Variants in ENPP1 observed in about 807,000 individuals in gnomAD.
ENPP1 encodes ectonucleotide pyrophosphatase/phosphodiesterase 1.
A neutral mutation model predicts 122.8 loss-of-function variants in ENPP1; 73 were observed. The observed-to-expected ratio is 0.59, with a 90% confidence interval of 0.49 to 0.72. The LOEUF is 0.72. Ranked by LOEUF, ENPP1 falls within the 30% of genes least tolerant of loss-of-function variation. ENPP1 has a pLI of 0.00. For synonymous variants in ENPP1, 367 were observed against 391.6 expected, an observed-to-expected ratio of 0.94 and a Z score of 0.74; for missense variants, 978 against 1,128.1, an observed-to-expected ratio of 0.87 and a Z score of 1.91.
rs542981157 is a variant in ENPP1, at chr6:131,893,323, C to T, written c.*2812C>T. On this transcript the variant is annotated 3_prime_UTR_variant, in exon 25 of 25. Transcript: ENST00000647893. The stretch of plus-strand genomic sequence containing the variant: ...AAGAGACAGCAGAAGTGTAAATGAT[C>T]CCTAAAGAGTGATAGATGTTATCAT... 6.6e-6 allele frequency: 1 copy of T among 152,266 alleles called. No homozygotes were observed. The highest frequency in any genetic ancestry group is 1.9e-4 in the East Asian group (1 of 5,180). 9.4% of individuals were successfully genotyped at this position (152,266 alleles called of 1,614,324 possible). A position where few individuals can be genotyped will look rare whatever the true frequency, so the allele number is the denominator to read the frequency against.
intron 1 of ENPP1, among the ~76,000 whole-genome samples, chr6:131,836,952 G>A (rs1160186537): frequency 2.0e-5 from 3 of 152,166 alleles, no homozygotes; most frequent in East Asian, 3.9e-4. Context: ...GGTCCTAGAC[G>A]TGCTTTAGCA....
chr6:131,849,358 TA>T (rs1189119493), intron 2 of ENPP1, among the ~76,000 whole-genome samples: 2 of 152,060 alleles, frequency 1.3e-5, no homozygotes, highest in African/African-American at 2.4e-5. Context: ...TATATGAGCT[TA>T]AAAAAATGGA....
rs1336981255 is a variant in ENPP1 at position 131,821,815 on chromosome 6, CA to C, written c.240+13542del. On this transcript the variant is annotated intron_variant, in intron 1 of 24. Coordinates refer to ENST00000647893, the MANE Select transcript of ENPP1 (RefSeq NM_006208.3). ...TCCACTGCAGTCCCCTCTCAACAATCAACAGTATACTTGACACAAAACCAAA... is the reference window on the plus strand; with the variant it reads ...TCCACTGCAGTCCCCTCTCAACAATCACAGTATACTTGACACAAAACCAAA... Among the ~76,000 whole-genome samples the C allele has an allele frequency of 5.3e-5, 8 of 152,196 alleles. No homozygotes were observed. In the South Asian group the frequency reaches 8.3e-4, roughly 16 times the overall value.
At chr6:131,810,748 C>G (rs1174623701) in intron 1 of ENPP1, among the ~76,000 whole-genome samples, 1 of 152,154 alleles carries the variant, frequency 6.6e-6, no homozygotes, top group Non-Finnish European at 1.5e-5. Flanking sequence ...CTTTCAGAGG[C>G]AATCATGTTG....
Position 131,847,569 on chromosome 6 carries a change from A to C in ENPP1, c.241-207A>C, listed in dbSNP as rs1342314707. On this transcript the variant is annotated intron_variant, in intron 1 of 24. Transcript: ENST00000647893. Reference sequence around the variant, plus strand: ...TTTAAAACTATATAAGGCCAGGCCTAGTGGCTCTTGCCTATAATCCCCCCA... The same window carrying C: ...TTTAAAACTATATAAGGCCAGGCCTCGTGGCTCTTGCCTATAATCCCCCCA... Among the ~76,000 whole-genome samples the C allele has an allele frequency of 3.9e-5, 6 of 152,310 alleles. No homozygotes were observed. In the South Asian group the frequency reaches 1.2e-3, roughly 32 times the overall value.
intron 20 of ENPP1, among the ~76,000 whole-genome samples, chr6:131,880,381 G>A (rs905191054): frequency 1.3e-5 from 2 of 152,018 alleles, no homozygotes; most frequent in Non-Finnish European, 2.9e-5. Context: ...GGCTAACACG[G>A]TGAAACTCCA....
intron 1 of ENPP1, among the ~76,000 whole-genome samples, chr6:131,815,871 A>ATTTTTTT (rs750091125): frequency 1.7e-5 from 2 of 115,842 alleles, no homozygotes; most frequent in Admixed American, 9.0e-5. Flanking sequence ...CACCTGGCTA[A>ATTTTTTT]TTTTTTTTTT....
chr6:131,886,115 C>T (rs1364183967), intron 23 of ENPP1, among the ~76,000 whole-genome samples: 1 of 152,138 alleles, frequency 6.6e-6, no homozygotes, highest in East Asian at 1.9e-4. Flanking sequence ...TTAGAACAAA[C>T]AATTCATGAC....
chr6:131,810,457 C>G (rs1389928943), intron 1 of ENPP1, among the ~76,000 whole-genome samples: 7 of 147,232 alleles, frequency 4.8e-5, no homozygotes, highest in African/African-American at 1.0e-4. Flanking sequence ...CGCCCCCCCC[C>G]CAAAAACTTC....
Position 131,882,474 on chromosome 6 carries a change from CG to C in ENPP1, c.2230+1del. The C allele has an allele frequency of 6.2e-7, 1 of 1,603,388 alleles. No individual in the cohort carries two copies. Among genetic ancestry groups the C allele is most frequent in the Non-Finnish European group, 8.5e-7 (1 of 1,173,536 alleles). On this transcript the variant is annotated splice_donor_variant, in intron 21 of 24. Coordinates refer to ENST00000647893, the MANE Select transcript of ENPP1 (RefSeq NM_006208.3). LOFTEE classifies it high-confidence loss of function. ...GAGTTACGGGTTCCTCTCCCCACCA[CG>C]TAAGTTTTTTCCTCTCCTGACCTTC...
intron 1 of ENPP1, among the ~76,000 whole-genome samples, chr6:131,835,976 C>G (rs7775376): frequency 0.24 from 36,119 of 152,092 alleles, 5,936 homozygotes; most frequent in African/African-American, 0.47. Context: ...GACATATGGG[C>G]ACCACTTAAG....
chr6:131,889,298 T>C (rs977710881), intron 24 of ENPP1, among the ~76,000 whole-genome samples: 8 of 152,138 alleles, frequency 5.3e-5, no homozygotes, highest in Non-Finnish European at 1.0e-4. Context: ...ATGTGTGCCA[T>C]GGTGGTTTGC....
intron 12 of ENPP1, among the ~76,000 whole-genome samples, chr6:131,869,043 G>A (rs554672829): frequency 1.3e-5 from 2 of 152,266 alleles, no homozygotes; most frequent in South Asian, 2.1e-4. Context: ...TATCCTAGGT[G>A]GTTTGGGGCA....
intron 23 of ENPP1, among the ~76,000 whole-genome samples, chr6:131,885,837 A>G (rs1424197012): frequency 2.6e-5 from 4 of 152,238 alleles, no homozygotes; most frequent in African/African-American, 9.6e-5. Context: ...TAGAAGCTGT[A>G]GCACTGGAGA....
Position 131,825,945 on chromosome 6 carries a change from C to CA in ENPP1, c.240+17675dup, listed in dbSNP as rs1235844281. The CA allele has an allele frequency of 8.2e-6, 4 of 485,154 alleles. No homozygotes were observed. The East Asian group carries it at 1.3e-4, about 15-fold the overall frequency. 30.1% of individuals were successfully genotyped at this position (485,154 alleles called of 1,614,324 possible). A position where few individuals can be genotyped will look rare whatever the true frequency, so the allele number is the denominator to read the frequency against. On this transcript the variant is annotated intron_variant, in intron 1 of 24. Transcript: ENST00000647893. Reference sequence around the variant, plus strand: ...TATTTAAAGCCCTGGAGCATACTTTCAAAAATGATTTTGAAACATGAGTCT... The same window carrying CA: ...TATTTAAAGCCCTGGAGCATACTTTCAAAAAATGATTTTGAAACATGAGTCT...
At chr6:131,828,132 C>T (rs890386327) in intron 1 of ENPP1, 4 of 581,102 alleles carry the variant, frequency 6.9e-6, no homozygotes, top group Admixed American at 1.9e-5. Context: ...CAGTGGAGGT[C>T]GTTCTGGATT....
At chr6:131,847,879 GTGTGTGTGTGTGTGTA>G in intron 2 of ENPP1, 31 bp downstream of exon 2, 1 of 1,466,826 alleles carries the variant, frequency 6.8e-7, no homozygotes, top group Non-Finnish European at 9.5e-7. Context: ...GTGTGTGTGT[GTGTGTGTGTGTGTGTA>G]TGTGTGTGCA....
chr6:131,855,447 T>A (rs1781933476), intron 6 of ENPP1, among the ~76,000 whole-genome samples: 1 of 152,120 alleles, frequency 6.6e-6, no homozygotes, highest in Admixed American at 6.6e-5. Flanking sequence ...TGCCACAGCC[T>A]CCCAAGTAGC....
In ENPP1 at chr6:131,847,854, T is replaced by A; in HGVS notation, c.313+6T>A. The A allele has an allele frequency of 6.3e-7, 1 of 1,583,514 alleles. No homozygotes were observed. The highest frequency in any genetic ancestry group is 8.6e-7 in the Non-Finnish European group (1 of 1,163,726). On this transcript the variant is annotated splice_donor_region_variant and intron_variant, in intron 2 of 24. Transcript: ENST00000647893. ...ACCAAGCTGTGCCAAAGAAGGTAAT[T>A]AGGTGTGTGTGTGTGTGTGTGTGTG... is the stretch of plus-strand genomic sequence containing the variant.
Sources: gnomAD v4.1 joint callset for allele counts (sites outside exome capture counted in the v4.1 genomes callset) on GRCh38, gnomAD v4.1.1 for gene constraint, MANE v1.5 for transcripts, NCBI Gene and HGNC (gene_info 2026-07-23, HGNC 2026-07-21) for gene names.